The following ZFHX3 variants were observed in gnomAD, a reference collection of about 807,000 sequenced individuals.
ZFHX3 encodes the protein zinc finger homeobox protein 3.
Under a neutral mutation model 279.1 loss-of-function variants are expected in ZFHX3, and 42 were observed. That is an observed-to-expected ratio of 0.15 (90% confidence interval 0.12 to 0.19). The LOEUF is 0.19. ZFHX3 is among the 10% of genes least tolerant of loss of function. The pLI is 1.00. For missense variants in ZFHX3, 4,981 were observed against 4,754.0 expected (o/e 1.05, Z -1.40); for synonymous variants, 2,293 against 1,957.8 (o/e 1.17, Z -4.52).
chr16:72,789,603 T>C (rs948672137), intron 9 of ZFHX3: 4 of 152,296 alleles, frequency 2.6e-5, no homozygotes, highest in African/African-American at 9.7e-5. Flanking sequence ...TTGCTGCAGC[T>C]GACTGGATGC....
intron 2 of ZFHX3, among the ~76,000 whole-genome samples, chr16:73,497,264 G>A (rs531939692): frequency 6.6e-6 from 1 of 152,286 alleles, no homozygotes; most frequent in East Asian, 1.9e-4. Flanking sequence ...GCTTTAACCA[G>A]TCCTCAGCCA....
intron 4 of ZFHX3, among the ~76,000 whole-genome samples, chr16:72,854,674 T>C (rs1016316515): frequency 2.0e-5 from 3 of 152,058 alleles, no homozygotes; most frequent in African/African-American, 4.8e-5. Context: ...CAAGATTGGA[T>C]AGGCCAATTT....
At chr16:73,240,614 A>T (rs1486734479) in intron 5 of ZFHX3, among the ~76,000 whole-genome samples, 2 of 152,166 alleles carry the variant, frequency 1.3e-5, no homozygotes, top group Non-Finnish European at 2.9e-5. Context: ...AGTATGAGAG[A>T]TAAAACAGGA....
At chr16:73,150,856 T>C (rs1966924554) in intron 5 of ZFHX3, among the ~76,000 whole-genome samples, 1 of 152,202 alleles carries the variant, frequency 6.6e-6, no homozygotes, top group African/African-American at 2.4e-5. Context: ...TGGATTTCTT[T>C]GTAAATTCAG....
At chr16:73,889,320 AAG>A (rs2030451876) in intron 1 of ZFHX3, among the ~76,000 whole-genome samples, 1 of 152,144 alleles carries the variant, frequency 6.6e-6, no homozygotes, top group African/African-American at 2.4e-5. Flanking sequence ...TTGGCAGGCA[AAG>A]GGTGTAAGAA....
chr16:72,957,280 T>G (rs1961293893), intron 2 of ZFHX3, 147 bp downstream of exon 2: 2 of 891,038 alleles, frequency 2.2e-6, no homozygotes, highest in East Asian at 4.9e-5. Context: ...TTCTTGAGAA[T>G]ACTTGATTGT....
chr16:73,855,080 C>T (rs964261752), intron 1 of ZFHX3, among the ~76,000 whole-genome samples: 1 of 152,036 alleles, frequency 6.6e-6, no homozygotes, highest in Admixed American at 6.6e-5. Flanking sequence ...AAATAAAAAA[C>T]AATAAGGACC....
chr16:73,545,311 C>T (rs892825836), intron 2 of ZFHX3, among the ~76,000 whole-genome samples: 4 of 152,048 alleles, frequency 2.6e-5, no homozygotes, highest in African/African-American at 7.2e-5. Flanking sequence ...AATTTATCGT[C>T]GTTTCTTGAT....
At chr16:73,218,147 A>T (rs1199746414) in intron 5 of ZFHX3, among the ~76,000 whole-genome samples, 1 of 152,172 alleles carries the variant, frequency 6.6e-6, no homozygotes, top group Non-Finnish European at 1.5e-5. Flanking sequence ...AGTACATGGT[A>T]TGGCCTTATC....
intron 2 of ZFHX3, among the ~76,000 whole-genome samples, chr16:73,543,549 G>C (rs566755542): frequency 4.6e-5 from 7 of 152,274 alleles, no homozygotes; most frequent in Admixed American, 3.9e-4. Context: ...GTGGTGTAAA[G>C]GGAGCAGCTG....
intron 1 of ZFHX3, among the ~76,000 whole-genome samples, chr16:73,703,182 T>C (rs958829760): frequency 1.3e-5 from 2 of 152,170 alleles, no homozygotes; most frequent in African/African-American, 4.8e-5. Flanking sequence ...TTGCTTTGTT[T>C]TGTTTTTGCT....
chr16:72,968,454 A>G (rs891834784), intron 1 of ZFHX3, among the ~76,000 whole-genome samples: 1 of 140,010 alleles, frequency 7.1e-6, no homozygotes, highest in Admixed American at 7.7e-5. Flanking sequence ...TATGAATGTT[A>G]ATTTCCTTTT....
At chr16:72,864,916 G>A (rs1029921297) in intron 4 of ZFHX3, among the ~76,000 whole-genome samples, 7 of 152,196 alleles carry the variant, frequency 4.6e-5, no homozygotes, top group Non-Finnish European at 8.8e-5. Flanking sequence ...AAATGAGACT[G>A]TCCTGTAATC....
chr16:73,329,528 G>A (rs2095183168), intron 3 of ZFHX3, among the ~76,000 whole-genome samples: 1 of 152,224 alleles, frequency 6.6e-6, no homozygotes, highest in Non-Finnish European at 1.5e-5. Flanking sequence ...ACGGCCCCTT[G>A]CATACTAATC....
chr16:73,740,367 C>A (rs8049918), intron 1 of ZFHX3, among the ~76,000 whole-genome samples: 5,445 of 152,114 alleles, frequency 0.036, 343 homozygotes, highest in African/African-American at 0.12. Flanking sequence ...AGGTTGAAAT[C>A]TTTTCTGTTA....
chr16:73,586,999 A>T lies in ZFHX3; in HGVS notation c.-1547+93181T>A, dbSNP rs569648121. The stretch of plus-strand genomic sequence containing the variant: ...CTTCCAAAGAATGCTGAATACTTTT[A>T]AAAAATATGAATGTAAACACACACA... On this transcript the variant is annotated intron_variant, in intron 2 of 17. Coordinates refer to the ZFHX3 transcript ENST00000641206. 5.3e-5 allele frequency among the ~76,000 whole-genome samples: 8 copies of T among 152,296 alleles called. No homozygotes were observed. In the South Asian group the frequency reaches 1.0e-3, roughly 20 times the overall value.
At chr16:73,500,305 G>A (rs1029196457) in intron 2 of ZFHX3, 1 of 153,860 alleles carries the variant, frequency 6.5e-6, no homozygotes, top group Non-Finnish European at 1.4e-5. Context: ...CCCTACTTGG[G>A]TTTTTGTTTT....
chr16:73,265,491 G>C (rs1457215923), intron 4 of ZFHX3, among the ~76,000 whole-genome samples: 1 of 152,036 alleles, frequency 6.6e-6, no homozygotes, highest in Non-Finnish European at 1.5e-5. Context: ...TTTGTTTTTT[G>C]TGAATGCTAA....
At position 73,718,622 on chromosome 16, in the gene ZFHX3, A is replaced by G. The variant is rs7199845; in HGVS notation, c.-1607-38382T>C. Among the ~76,000 whole-genome samples, 4 of 12,074 alleles carry G rather than the reference A, an allele frequency of 3.3e-4. No homozygotes were observed. The Non-Finnish European group carries it at 5.1e-3, about 15-fold the overall frequency. 7.9% of individuals were successfully genotyped at this position (12,074 alleles called of 152,430 possible). ...GTATTTATTTATTTATTATTTATTTATTTATTTTTTTAAGACAGAGTCTCG... is the reference window on the plus strand; with the variant it reads ...GTATTTATTTATTTATTATTTATTTGTTTATTTTTTTAAGACAGAGTCTCG... On this transcript the variant is annotated intron_variant, in intron 1 of 17. Coordinates refer to the ZFHX3 transcript ENST00000641206.
Sources: allele counts gnomAD v4.1 joint callset (sites outside exome capture counted in the v4.1 genomes callset), GRCh38; gene constraint gnomAD v4.1.1; transcripts MANE v1.5; gene names NCBI Gene and HGNC (gene_info 2026-07-23, HGNC 2026-07-21).